The following LYN variants were observed in gnomAD, a reference collection of about 807,000 sequenced individuals.
The protein encoded by LYN is LYN proto-oncogene, Src family tyrosine kinase.
Under a neutral mutation model 65.0 loss-of-function variants are expected in LYN, and 12 were observed. The observed-to-expected ratio is 0.18, with a 90% CI of 0.12 to 0.30. The LOEUF (loss-of-function observed/expected upper bound fraction) is 0.30. LYN is among the 10% of genes least tolerant of loss of function. The pLI, the probability that LYN is intolerant of heterozygous loss-of-function variation, is 1.00. For missense variants in LYN, 380 were observed against 623.2 expected, an observed-to-expected ratio of 0.61 and a Z score of 4.16; for synonymous variants, 222 against 221.2, an observed-to-expected ratio of 1.00 and a Z score of -0.03.
chr8:55,974,237 G>A (rs943274065), intron 10 of LYN, among the ~76,000 whole-genome samples: 3 of 152,062 alleles, frequency 2.0e-5, no homozygotes, highest in Non-Finnish European at 4.4e-5. Context: ...TTGCTGTTAT[G>A]GTCATTTTGC....
chr8:55,985,359 A>T (rs1184424224), intron 10 of LYN, among the ~76,000 whole-genome samples: 1 of 152,224 alleles, frequency 6.6e-6, no homozygotes, highest in Non-Finnish European at 1.5e-5. Flanking sequence ...AGGAGCAGCC[A>T]CAGAGAGCAG....
intron 4 of LYN, among the ~76,000 whole-genome samples, chr8:55,949,473 C>T (rs1806875905): frequency 1.3e-5 from 2 of 152,214 alleles, no homozygotes. Context: ...AGATGTTCTC[C>T]ACCCGCCTTC....
intron 10 of LYN, among the ~76,000 whole-genome samples, chr8:55,984,901 C>G (rs1172801095): frequency 6.6e-6 from 1 of 152,198 alleles, no homozygotes; most frequent in Non-Finnish European, 1.5e-5. Context: ...GTTTGGAAAT[C>G]TATGTTTCAG....
At chr8:55,916,864 A>T (rs1805792736) in intron 1 of LYN, among the ~76,000 whole-genome samples, 1 of 150,960 alleles carries the variant, frequency 6.6e-6, no homozygotes, top group Non-Finnish European at 1.5e-5. Context: ...TGAGACTGCT[A>T]TTTTTTTTTC....
chr8:55,954,169 G>C (rs1197390148), intron 8 of LYN, among the ~76,000 whole-genome samples, 185 bp downstream of exon 8: 2 of 152,202 alleles, frequency 1.3e-5, no homozygotes, highest in African/African-American at 4.8e-5. Flanking sequence ...TTCAGCTCTT[G>C]CTCTTTCTTG....
chr8:55,952,271 T>C (rs1270630258), intron 7 of LYN, among the ~76,000 whole-genome samples, 156 bp downstream of exon 7: 1 of 152,142 alleles, frequency 6.6e-6, no homozygotes, highest in Non-Finnish European at 1.5e-5. Flanking sequence ...AATTAATCTA[T>C]AGTTAGGCCA....
At chr8:55,881,036 A>G (rs936530761) in intron 1 of LYN, among the ~76,000 whole-genome samples, 2 of 152,200 alleles carry the variant, frequency 1.3e-5, no homozygotes, top group African/African-American at 4.8e-5. Context: ...GGGACCGATT[A>G]TTGAAATTCC....
rs149698869 is a variant in LYN, at chr8:55,911,994, A to G, written c.-5-29861A>G. On this transcript the variant is annotated intron_variant, in intron 1 of 12. Transcript: ENST00000519728. ...GCTCAATATCGTCGTGGTGTGTTCT[A>G]CCACGTCCCTTCTAGCCCTTTCCGC... is the stretch of plus-strand genomic sequence containing the variant. Among the ~76,000 whole-genome samples the G allele has an allele frequency of 9.2e-4, 140 of 152,188 alleles. 1 individual carries two copies. The South Asian group carries it at 9.8e-3, about 11-fold the overall frequency.
intron 10 of LYN, among the ~76,000 whole-genome samples, chr8:55,998,048 C>A (rs1186770233): frequency 2.6e-5 from 4 of 151,712 alleles, no homozygotes; most frequent in South Asian, 4.2e-4. Flanking sequence ...AGCGCCACTG[C>A]ACTCCGGCCT....
chr8:55,935,138 C>G (rs938538460), intron 1 of LYN, among the ~76,000 whole-genome samples: 2 of 152,150 alleles, frequency 1.3e-5, no homozygotes, highest in Non-Finnish European at 2.9e-5. Flanking sequence ...TTAATTGCCC[C>G]CAAACACTGT....
At chr8:55,998,975 A>G (rs187009257) in intron 11 of LYN, among the ~76,000 whole-genome samples, 2 of 152,316 alleles carry the variant, frequency 1.3e-5, no homozygotes, top group African/African-American at 4.8e-5. Context: ...CACATTCTGT[A>G]TTATATATAT....
chr8:55,987,282 G>A (rs1221099142), intron 10 of LYN, among the ~76,000 whole-genome samples: 1 of 151,826 alleles, frequency 6.6e-6, no homozygotes, highest in Admixed American at 6.6e-5. Context: ...GTGTGGTGGC[G>A]AGTAGGTCCC....
At chr8:55,953,313 G>C (rs1175333980) in intron 7 of LYN, among the ~76,000 whole-genome samples, 1 of 152,154 alleles carries the variant, frequency 6.6e-6, no homozygotes, top group African/African-American at 2.4e-5. Context: ...TGTTAGCAGT[G>C]CTGAAGAATA....
intron 1 of LYN, among the ~76,000 whole-genome samples, chr8:55,919,341 T>TAG (rs1805878541): frequency 6.6e-6 from 1 of 152,178 alleles, no homozygotes; most frequent in South Asian, 2.1e-4. Flanking sequence ...TGTTCGTACT[T>TAG]TAAGTTAGTG....
chr8:55,952,018 T>A lies in LYN; in HGVS notation c.540T>A (p.Ile180=). The change falls in exon 7 of 13, where the codon ATT becomes ATA. Residue 180 remains isoleucine, a synonymous_variant. Transcript: ENST00000519728. ...TTGACCCTGTGCATGGTGATGTTAT[T>A]AAGCACTACAAAATTAGAAGTCTGG... The part of the protein sequence containing the change: ...RDFDPVHGDV[I]KHYKIRSLDN... The A allele has an allele frequency of 1.9e-6, 3 of 1,612,396 alleles. No homozygotes were observed. Among genetic ancestry groups the A allele is most frequent in the Non-Finnish European group, 2.5e-6 (3 of 1,179,564 alleles).
chr8:55,906,393 C>G (rs1263297344), intron 1 of LYN, among the ~76,000 whole-genome samples: 2 of 151,942 alleles, frequency 1.3e-5, no homozygotes, highest in African/African-American at 4.8e-5. Flanking sequence ...GTCGCCCAGA[C>G]TGGAGTGAAA....
intron 1 of LYN, among the ~76,000 whole-genome samples, chr8:55,898,926 G>A (rs895239741): frequency 2.6e-5 from 4 of 152,130 alleles, no homozygotes; most frequent in African/African-American, 4.8e-5. Context: ...CTGGGCTCAC[G>A]CAATCCTCCT....
At chr8:56,005,741 T>A (rs1310241583) in intron 12 of LYN, among the ~76,000 whole-genome samples, 1 of 152,240 alleles carries the variant, frequency 6.6e-6, no homozygotes, top group South Asian at 2.1e-4. Flanking sequence ...CTTCATTATC[T>A]TAAAACCAAA....
intron 8 of LYN, among the ~76,000 whole-genome samples, chr8:55,960,680 T>C (rs1807246374): frequency 6.6e-6 from 1 of 152,244 alleles, no homozygotes; most frequent in African/African-American, 2.4e-5. Flanking sequence ...GCTTTTCTCA[T>C]TGATAGAAAA....
Sources: gnomAD v4.1 joint callset for allele counts (sites outside exome capture counted in the v4.1 genomes callset) on GRCh38, gnomAD v4.1.1 for gene constraint, MANE v1.5 for transcripts, NCBI Gene and HGNC (gene_info 2026-07-23, HGNC 2026-07-21) for gene names.